Variants in ATP8A2 observed in about 807,000 individuals in gnomAD.
The protein encoded by ATP8A2 is phospholipid-transporting ATPase IB.
A neutral mutation model predicts 165.6 loss-of-function variants in ATP8A2; 100 were observed. That is an observed-to-expected ratio of 0.60 (90% CI 0.51 to 0.71). The LOEUF is 0.71. ATP8A2 is among the 30% of genes least tolerant of loss of function. ATP8A2 has a pLI of 0.00. For synonymous variants in ATP8A2, 543 were observed against 548.8 expected (o/e 0.99, Z 0.15); for missense variants, 1,227 against 1,479.5 (o/e 0.83, Z 2.80).
intron 25 of ATP8A2, among the ~76,000 whole-genome samples, chr13:25,743,881 T>C (rs772156167): frequency 1.3e-5 from 2 of 152,220 alleles, no homozygotes; most frequent in Non-Finnish European, 2.9e-5. Flanking sequence ...CTGTTAGCCA[T>C]TGATTCATTC....
intron 33 of ATP8A2, among the ~76,000 whole-genome samples, chr13:25,909,713 T>C (rs573350478): frequency 1.3e-5 from 2 of 152,336 alleles, no homozygotes; most frequent in East Asian, 3.9e-4. Context: ...CATAATGTTT[T>C]GCAACCATCA....
At position 26,020,289 on chromosome 13, in the gene ATP8A2, A is replaced by G. The variant is rs1282697520; in HGVS notation, c.*304A>G. 2.8e-6 allele frequency: 1 copy of G among 353,834 alleles called. No individual in the cohort carries two copies. Among genetic ancestry groups the G allele is most frequent in the Non-Finnish European group, 5.2e-6 (1 of 193,344 alleles). 21.9% of individuals were successfully genotyped at this position (353,834 alleles called of 1,614,324 possible). On this transcript the variant is annotated 3_prime_UTR_variant, in exon 37 of 37. Transcript: ENST00000381655. Reference sequence around the variant, plus strand: ...AAATTAAAAACATTATGTTTCACCAATATTTAAACATCAGTACTAGTTGTC... The same window carrying G: ...AAATTAAAAACATTATGTTTCACCAGTATTTAAACATCAGTACTAGTTGTC...
chr13:25,633,113 C>A (rs1298963871), intron 24 of ATP8A2, among the ~76,000 whole-genome samples: 1 of 152,176 alleles, frequency 6.6e-6, no homozygotes, highest in African/African-American at 2.4e-5. Context: ...TCCCTGTTAG[C>A]ACAGAAAGAT....
At chr13:25,464,719 G>A (rs891370811) in intron 1 of ATP8A2, among the ~76,000 whole-genome samples, 2 of 152,212 alleles carry the variant, frequency 1.3e-5, no homozygotes, top group Middle Eastern at 3.2e-3. Context: ...TATGAGGAAA[G>A]AGGTCTGGTT....
intron 25 of ATP8A2, among the ~76,000 whole-genome samples, chr13:25,754,418 A>AT (rs35661717): frequency 0.022 from 3,312 of 147,826 alleles, 46 homozygotes; most frequent in African/African-American, 0.034. Context: ...AAAGTATGCG[A>AT]TTTTTTTTTT....
chr13:25,823,116 T>G (rs1019922893), intron 27 of ATP8A2, among the ~76,000 whole-genome samples: 3 of 152,340 alleles, frequency 2.0e-5, no homozygotes, highest in African/African-American at 7.2e-5. Flanking sequence ...CTGGAGGAGA[T>G]GCAGTGTTGT....
rs1391034834 is a variant in ATP8A2, at chr13:26,020,058, A to C, written c.*73A>C. 2.7e-6 allele frequency: 3 copies of C among 1,130,074 alleles called. No homozygotes were observed. Among genetic ancestry groups the C allele is most frequent in the Non-Finnish European group, 2.7e-6 (2 of 753,062 alleles). 70.0% of individuals were successfully genotyped at this position (1,130,074 alleles called of 1,614,324 possible). On this transcript the variant is annotated 3_prime_UTR_variant, in exon 37 of 37. Coordinates refer to ENST00000381655, the MANE Select transcript of ATP8A2 (RefSeq NM_016529.6). ...CACCCAGTGTTAACACATCTTTGTC[A>C]GAGAAGACTGGCGTCAGCAGCCAAA...
rs111856714 is a variant in ATP8A2, at chr13:25,493,522, C to T, written c.221+24401C>T. Reference sequence around the variant, plus strand: ...TCTTTGGCTTAGTTGAGAAAGCTCACTGTGGGATTACTAAACATATGCGGG... The same window carrying T: ...TCTTTGGCTTAGTTGAGAAAGCTCATTGTGGGATTACTAAACATATGCGGG... On this transcript the variant is annotated intron_variant, in intron 2 of 36. Transcript: ENST00000381655. 5.0e-3 allele frequency among the ~76,000 whole-genome samples: 758 copies of T among 152,280 alleles called. 5 individuals carry two copies. Among genetic ancestry groups the T allele is most frequent in the African/African-American group, 0.018 (735 of 41,544 alleles).
At chr13:25,407,941 T>C (rs2033852244) in intron 1 of ATP8A2, among the ~76,000 whole-genome samples, 1 of 152,030 alleles carries the variant, frequency 6.6e-6, no homozygotes, top group African/African-American at 2.4e-5. Context: ...AGGGACAGCA[T>C]TAGGACAAAT....
chr13:25,941,999 T>C (rs77889543), intron 33 of ATP8A2, among the ~76,000 whole-genome samples: 3,946 of 152,316 alleles, frequency 0.026, 78 homozygotes, highest in East Asian at 0.064. Context: ...CATAAACCTA[T>C]AGAAAATATT....
intron 35 of ATP8A2, among the ~76,000 whole-genome samples, chr13:25,987,687 A>G (rs1221818962): frequency 6.6e-6 from 1 of 152,172 alleles, no homozygotes; most frequent in Non-Finnish European, 1.5e-5. Context: ...ATGTTTCTTA[A>G]CCCACAGCAA....
intron 27 of ATP8A2, among the ~76,000 whole-genome samples, chr13:25,811,166 A>C (rs974130892): frequency 6.6e-6 from 1 of 152,174 alleles, no homozygotes; most frequent in Non-Finnish European, 1.5e-5. Flanking sequence ...TATATCAGCT[A>C]TACTGAGTGG....
At chr13:25,435,634 G>A (rs11149394) in intron 1 of ATP8A2, among the ~76,000 whole-genome samples, 62,802 of 151,820 alleles carry the variant, frequency 0.41, 14,070 homozygotes, top group East Asian at 0.59. Flanking sequence ...TGGGTTTTAC[G>A]TGTTGTTCTT....
chr13:25,375,362 G>A (rs2032581253), intron 1 of ATP8A2, among the ~76,000 whole-genome samples: 1 of 152,148 alleles, frequency 6.6e-6, no homozygotes, highest in African/African-American at 2.4e-5. Flanking sequence ...TGACCCAGAT[G>A]AGTAAGGAAA....
chr13:25,744,580 G>A (rs946325290), intron 25 of ATP8A2, among the ~76,000 whole-genome samples: 1 of 152,132 alleles, frequency 6.6e-6, no homozygotes, highest in African/African-American at 2.4e-5. Flanking sequence ...AAATAATTAG[G>A]AAGTAATAGT....
At chr13:26,018,120 A>T (rs1464248072) in intron 36 of ATP8A2, among the ~76,000 whole-genome samples, 2 of 152,058 alleles carry the variant, frequency 1.3e-5, no homozygotes, top group African/African-American at 4.8e-5. Context: ...CCATGTCCTC[A>T]GTCAACTCTC....
chr13:25,940,907 T>G (rs554550759), intron 33 of ATP8A2, among the ~76,000 whole-genome samples: 7 of 152,256 alleles, frequency 4.6e-5, no homozygotes, highest in African/African-American at 1.7e-4. Flanking sequence ...CAACGTGGGT[T>G]GTCAGGAGGG....
Position 25,734,597 on chromosome 13 carries a change from G to A in ATP8A2, c.2385-34449G>A, listed in dbSNP as rs2043726210. ...GCCTTTAGGGAGCAACAGCCTAGTA[G>A]AGGGCCTGGAATGTGACAAAAAATC... On this transcript the variant is annotated intron_variant, in intron 25 of 36. Transcript: ENST00000381655. Among the ~76,000 whole-genome samples the A allele has an allele frequency of 2.0e-5, 3 of 152,180 alleles. No homozygotes were observed. In the South Asian group the frequency reaches 6.2e-4, roughly 32 times the overall value.
intron 26 of ATP8A2, among the ~76,000 whole-genome samples, chr13:25,773,260 G>A (rs1467751162): frequency 1.3e-5 from 2 of 152,144 alleles, no homozygotes. Context: ...AACTAAGAGG[G>A]AACTCAAATC....
Sources: allele counts gnomAD v4.1 joint callset (sites outside exome capture counted in the v4.1 genomes callset), GRCh38; gene constraint gnomAD v4.1.1; transcripts MANE v1.5; gene names NCBI Gene and HGNC (gene_info 2026-07-23, HGNC 2026-07-21).